Variants in PCDHA9 observed in about 807,000 individuals in gnomAD.
PCDHA9 encodes protocadherin alpha 9, also known as protocadherin alpha-9.
A neutral mutation model predicts 62.0 loss-of-function variants in PCDHA9; 62 were observed. That is an observed-to-expected ratio of 1.00 (90% CI 0.81 to 1.23). The LOEUF (loss-of-function observed/expected upper bound fraction) is 1.23, where lower values mean the gene tolerates loss of function less well. PCDHA9 is among the 50% of genes most tolerant of loss of function. The probability of loss-of-function intolerance (pLI) is 0.00; values close to 1 mark genes in which losing one functional copy is unlikely to be tolerated. For missense variants in PCDHA9, 1,205 were observed against 1,249.8 expected (o/e 0.96, Z 0.54); for synonymous variants, 557 against 567.6 (o/e 0.98, Z 0.27).
At chr5:140,913,867 T>G (rs1554196087) in intron 1 of PCDHA9, among the ~76,000 whole-genome samples, 2 of 152,234 alleles carry the variant, frequency 1.3e-5, no homozygotes. Flanking sequence ...TTGTTTAATT[T>G]CCATGTGTTC....
Position 140,849,643 on chromosome 5 carries a change from G to A in PCDHA9, c.1148G>A (p.Gly383Glu). 6.3e-7 allele frequency: 1 copy of A among 1,598,612 alleles called. No homozygotes were observed. Among genetic ancestry groups the A allele is most frequent in the Non-Finnish European group, 8.6e-7 (1 of 1,167,926 alleles). ...ATCGACCTAGACGCAGATGCCAACG[G>A]GCAGGTTACCTGCTCCCTGACGCCC... ...SVIDLDADAN[G>E]QVTCSLTPHV... Residue 383 changes from glycine to glutamate, a missense_variant, in exon 1 of 4, where the codon GGG becomes GAG. Transcript: ENST00000532602.
chr5:140,981,502 A>G (rs2096935392), intron 2 of PCDHA9, among the ~76,000 whole-genome samples: 2 of 152,218 alleles, frequency 1.3e-5, no homozygotes, highest in Non-Finnish European at 2.9e-5. Flanking sequence ...TGAACCTGGG[A>G]GGCAGAGGTT....
intron 1 of PCDHA9, among the ~76,000 whole-genome samples, chr5:140,960,271 CA>C (rs1193468231): frequency 2.0e-5 from 3 of 152,182 alleles, no homozygotes; most frequent in Non-Finnish European, 4.4e-5. Flanking sequence ...TAAATTCCGT[CA>C]CCTTTTTGGG....
intron 1 of PCDHA9, among the ~76,000 whole-genome samples, chr5:140,952,338 CA>C (rs55931446): frequency 8.7e-4 from 117 of 135,030 alleles, no homozygotes; most frequent in South Asian, 1.2e-3. Flanking sequence ...AACTCCATCT[CA>C]AAAAAAAAAA....
intron 1 of PCDHA9, chr5:140,876,679 A>T (rs782671923): frequency 2.5e-6 from 4 of 1,614,118 alleles, no homozygotes; most frequent in Non-Finnish European, 3.4e-6. Flanking sequence ...CACCTACAAG[A>T]ATTACTACTC....
At chr5:140,936,433 G>A (rs907839925) in intron 1 of PCDHA9, among the ~76,000 whole-genome samples, 4 of 152,126 alleles carry the variant, frequency 2.6e-5, no homozygotes, top group Admixed American at 2.6e-4. Flanking sequence ...ATTAATTTAA[G>A]CTTAAATAAC....
At chr5:140,927,688 G>C in intron 1 of PCDHA9, 1 of 1,614,062 alleles carries the variant, frequency 6.2e-7, no homozygotes, top group Non-Finnish European at 8.5e-7. Context: ...AGGGTCCAAT[G>C]GGGAAGTCCA....
At position 140,993,463 on chromosome 5, in the gene PCDHA9, CA is replaced by C. The variant is rs1563591979; in HGVS notation, c.2542+10901del. ...ATTCCTGTTCTCCTTCTTTCTTTCTCACACACACACACACACACACACACAC... is the reference window on the plus strand; with the variant it reads ...ATTCCTGTTCTCCTTCTTTCTTTCTCCACACACACACACACACACACACAC... On this transcript the variant is annotated intron_variant, in intron 3 of 3. Coordinates refer to ENST00000532602, the MANE Select transcript of PCDHA9 (RefSeq NM_031857.2). Among the ~76,000 whole-genome samples the C allele has an allele frequency of 9.6e-3, 73 of 7,582 alleles. 1 individual carries two copies. The highest frequency in any genetic ancestry group is 0.047 in the African/African-American group (71 of 1,514). 5.0% of individuals were successfully genotyped at this position (7,582 alleles called of 152,430 possible).
At chr5:140,894,740 A>AT (rs1157881854) in intron 1 of PCDHA9, among the ~76,000 whole-genome samples, 7 of 151,086 alleles carry the variant, frequency 4.6e-5, no homozygotes, top group Middle Eastern at 3.4e-3. Flanking sequence ...AATTTGTGGA[A>AT]TTTTTTTTCT....
intron 1 of PCDHA9, chr5:140,966,215 A>G (rs1554228144): frequency 4.1e-6 from 1 of 244,868 alleles, no homozygotes; most frequent in Non-Finnish European, 7.7e-6. Flanking sequence ...CTTTTCCCAG[A>G]CTAATCTCCT....
At position 140,969,448 on chromosome 5, in the gene PCDHA9, G is replaced by A. The variant is rs781843317; in HGVS notation, c.2395-9501G>A. 468 of 1,537,938 alleles carry A rather than the reference G, an allele frequency of 3.0e-4. 1 individual carries two copies. Among genetic ancestry groups the A allele is most frequent in the Non-Finnish European group, 4.0e-4 (459 of 1,139,778 alleles). On this transcript the variant is annotated intron_variant, in intron 1 of 3. Coordinates refer to ENST00000532602, the MANE Select transcript of PCDHA9 (RefSeq NM_031857.2). ...AGTGACAAGAGTTATCTGGTAAACT[G>A]AGTATATATAGTATCCACAATTTGA...
chr5:140,870,572 C>T (rs782477275), intron 1 of PCDHA9: 1 of 1,613,946 alleles, frequency 6.2e-7, no homozygotes, highest in Non-Finnish European at 8.5e-7. Context: ...GCGCTGGTGT[C>T]CTACTCGCTG....
At chr5:140,871,700 A>G in intron 1 of PCDHA9, 1 of 896,726 alleles carries the variant, frequency 1.1e-6, no homozygotes, top group Non-Finnish European at 1.6e-6. Flanking sequence ...TTCTTTAACC[A>G]ATAAATGTCC....
Position 140,928,140 on chromosome 5 carries a change from G to GGCC in PCDHA9, c.2395-50808_2395-50806dup. 3 of 1,614,154 alleles carry GGCC rather than the reference G, an allele frequency of 1.9e-6. No homozygotes were observed. The South Asian group carries it at 3.3e-5, about 18-fold the overall frequency. On this transcript the variant is annotated intron_variant, in intron 1 of 3. Transcript: ENST00000532602. ...TCAGTGAATACCAAGTCCTGATCAC[G>GGCC]GCCTCAGATAGTGGCTCACCCCCAC...
chr5:140,887,125 C>A (rs1391575318), intron 1 of PCDHA9, among the ~76,000 whole-genome samples: 1 of 150,082 alleles, frequency 6.7e-6, no homozygotes, highest in East Asian at 2.0e-4. Context: ...GAGACGGAGT[C>A]TCACTCTGTC....
intron 1 of PCDHA9, chr5:140,860,925 G>A (rs2046658234): frequency 6.6e-6 from 1 of 152,286 alleles, no homozygotes; most frequent in Non-Finnish European, 1.5e-5. Context: ...TTTTAGTAGA[G>A]ACGAGGTTTC....
intron 1 of PCDHA9, among the ~76,000 whole-genome samples, chr5:140,939,289 A>G (rs1186126336): frequency 1.3e-5 from 2 of 152,102 alleles, no homozygotes; most frequent in African/African-American, 4.8e-5. Flanking sequence ...TCGTGATCTA[A>G]TCATCTCTAC....
intron 1 of PCDHA9, chr5:140,876,996 G>T (rs1554169201): frequency 1.2e-6 from 2 of 1,612,618 alleles, no homozygotes; most frequent in East Asian, 2.2e-5. Context: ...CGAGCTACGT[G>T]TCGGTGCACG....
chr5:140,906,877 A>G (rs1361751716), intron 1 of PCDHA9, among the ~76,000 whole-genome samples: 1 of 152,122 alleles, frequency 6.6e-6, no homozygotes, highest in Non-Finnish European at 1.5e-5. Context: ...CAACACTGTA[A>G]CTTCCTTCTT....
Sources: gnomAD v4.1 joint callset for allele counts (sites outside exome capture counted in the v4.1 genomes callset) on GRCh38, gnomAD v4.1.1 for gene constraint, MANE v1.5 for transcripts, NCBI Gene and HGNC (gene_info 2026-07-23, HGNC 2026-07-21) for gene names.